Variants in ADAMTSL1 observed in about 807,000 individuals in gnomAD.
ADAMTSL1 encodes ADAMTS like 1, also known as ADAMTS-like protein 1.
In ADAMTSL1, 126 loss-of-function variants were observed where a neutral mutation model predicts 201.8. That is an observed-to-expected ratio of 0.62 (90% CI 0.54 to 0.72). The LOEUF is 0.72. ADAMTSL1 is among the 30% of genes least tolerant of loss of function. The pLI, the probability that ADAMTSL1 is intolerant of heterozygous loss-of-function variation, is 0.00. For missense variants in ADAMTSL1, 2,679 were observed against 2,277.8 expected, an observed-to-expected ratio of 1.18 and a Z score of -3.59; for synonymous variants, 1,121 against 903.4, an observed-to-expected ratio of 1.24 and a Z score of -4.32.
At chr9:18,314,956 C>T (rs1834315012) in intron 2 of ADAMTSL1, among the ~76,000 whole-genome samples, 1 of 150,876 alleles carries the variant, frequency 6.6e-6, no homozygotes, top group Non-Finnish European at 1.5e-5. Flanking sequence ...GCTACCACGC[C>T]CGGCTAATTT....
rs943499498 is a variant in ADAMTSL1, at chr9:18,688,600, G to A, written c.1574+3800G>A. 5.0e-5 allele frequency among the ~76,000 whole-genome samples: 7 copies of A among 139,026 alleles called. No homozygotes were observed. In the South Asian group the frequency reaches 7.1e-4, roughly 14 times the overall value. 91.2% of individuals were successfully genotyped at this position (139,026 alleles called of 152,430 possible). A position where few individuals can be genotyped will look rare whatever the true frequency, so the allele number is the denominator to read the frequency against. ...GGAGGGTTGCTTGAGCCTGGGAGGC[G>A]GAGGCTGCAGTGAGCTGAGATCTTG... On this transcript the variant is annotated intron_variant, in intron 13 of 28. Transcript: ENST00000380548.
chr9:18,552,424 T>G (rs544428141), intron 3 of ADAMTSL1, among the ~76,000 whole-genome samples: 1 of 151,970 alleles, frequency 6.6e-6, no homozygotes, highest in African/African-American at 2.4e-5. Context: ...TGCATTATGA[T>G]TTTTCCAAAA....
chr9:18,275,487 C>T (rs1334915327), intron 2 of ADAMTSL1, among the ~76,000 whole-genome samples: 2 of 152,132 alleles, frequency 1.3e-5, no homozygotes, highest in African/African-American at 2.4e-5. Context: ...AAAAAGTTCT[C>T]TTATTCTACT....
intron 23 of ADAMTSL1, among the ~76,000 whole-genome samples, chr9:18,853,918 T>TGTGTGTGTGTGTGTGCGCGC (rs139332733): frequency 0.014 from 2,098 of 145,420 alleles, 27 homozygotes; most frequent in East Asian, 0.055. Context: ...TGTGTGTGTG[T>TGTGTGTGTGTGTGTGCGCGC]GCGCGTGCAT....
intron 26 of ADAMTSL1, among the ~76,000 whole-genome samples, chr9:18,897,944 G>A (rs776279531): frequency 2.0e-5 from 3 of 151,738 alleles, no homozygotes; most frequent in Non-Finnish European, 4.4e-5. Context: ...TTGGGAGGCC[G>A]ACGCAGGTGG....
At chr9:18,460,098 T>A (rs564337590) in intron 2 of ADAMTSL1, among the ~76,000 whole-genome samples, 60 of 152,306 alleles carry the variant, frequency 3.9e-4, no homozygotes, top group African/African-American at 1.4e-3. Flanking sequence ...CTGTTGGCAC[T>A]CTCATTGCAG....
At chr9:18,327,349 G>A (rs911475446) in intron 2 of ADAMTSL1, among the ~76,000 whole-genome samples, 1 of 152,194 alleles carries the variant, frequency 6.6e-6, no homozygotes, top group African/African-American at 2.4e-5. Flanking sequence ...GAGGAGACGC[G>A]TTAATGATCC....
chr9:18,452,500 A>AAAAGTCC (rs899460710), intron 2 of ADAMTSL1, among the ~76,000 whole-genome samples: 2 of 152,234 alleles, frequency 1.3e-5, no homozygotes, highest in Admixed American at 1.3e-4. Context: ...GAACCAACTC[A>AAAAGTCC]AAAGTCCAAA....
chr9:17,955,114 A>G (rs942397282), intron 1 of ADAMTSL1, among the ~76,000 whole-genome samples: 1 of 152,206 alleles, frequency 6.6e-6, no homozygotes, highest in Non-Finnish European at 1.5e-5. Flanking sequence ...TATCGTGTGC[A>G]TAGAAATCTA....
rs147890454 is a variant in ADAMTSL1 at position 18,763,231 on chromosome 9, T to C, written c.2218-7371T>C. Among the ~76,000 whole-genome samples, 8 of 152,296 alleles carry C rather than the reference T, an allele frequency of 5.3e-5. No individual in the cohort carries two copies. In the East Asian group the frequency reaches 1.5e-3, roughly 29 times the overall value. The stretch of plus-strand genomic sequence containing the variant: ...GGGGTGAGGTGATATCTCATTGTAG[T>C]TTTGATTTGCATTTCTTTGATGATC... On this transcript the variant is annotated intron_variant, in intron 16 of 28. Transcript: ENST00000380548.
Position 18,848,413 on chromosome 9 carries a change from G to A in ADAMTSL1, c.4249+18436G>A, listed in dbSNP as rs550909185. Reference sequence around the variant, plus strand: ...TAGAATATTTTAATCTGACATTCAAGGTTCTTTGCTATTCAGACCTAGCCT... The same window carrying A: ...TAGAATATTTTAATCTGACATTCAAAGTTCTTTGCTATTCAGACCTAGCCT... On this transcript the variant is annotated intron_variant, in intron 23 of 28. Transcript: ENST00000380548. Among the ~76,000 whole-genome samples the A allele has an allele frequency of 5.3e-5, 8 of 152,310 alleles. No homozygotes were observed. In the East Asian group the frequency reaches 1.5e-3, roughly 29 times the overall value.
intron 23 of ADAMTSL1, among the ~76,000 whole-genome samples, chr9:18,839,061 T>A (rs999244028): frequency 2.0e-5 from 3 of 151,370 alleles, no homozygotes; most frequent in African/African-American, 7.3e-5. Flanking sequence ...TACTTTAAGT[T>A]TTAGGGTACA....
At chr9:18,411,873 A>G (rs1488366113) in intron 2 of ADAMTSL1, among the ~76,000 whole-genome samples, 2 of 152,104 alleles carry the variant, frequency 1.3e-5, no homozygotes, top group Non-Finnish European at 2.9e-5. Context: ...TCTAATACCT[A>G]TTTTATACTC....
At chr9:18,355,063 G>A (rs1836152837) in intron 2 of ADAMTSL1, among the ~76,000 whole-genome samples, 2 of 152,228 alleles carry the variant, frequency 1.3e-5, no homozygotes, top group East Asian at 3.9e-4. Context: ...CTGAGTTCCA[G>A]GGAGCCCCAG....
intron 1 of ADAMTSL1, among the ~76,000 whole-genome samples, chr9:18,112,255 C>T (rs969434315): frequency 3.3e-5 from 5 of 152,052 alleles, no homozygotes; most frequent in African/African-American, 7.2e-5. Context: ...TGCCTTAGTC[C>T]ATCTGAGTTC....
intron 2 of ADAMTSL1, among the ~76,000 whole-genome samples, chr9:18,195,997 A>G (rs193143172): frequency 2.6e-5 from 4 of 152,294 alleles, no homozygotes; most frequent in Non-Finnish European, 5.9e-5. Flanking sequence ...AACAATTCAT[A>G]CATCACTTCC....
At chr9:17,998,908 G>T (rs546656558) in intron 1 of ADAMTSL1, among the ~76,000 whole-genome samples, 1 of 152,110 alleles carries the variant, frequency 6.6e-6, no homozygotes, top group Non-Finnish European at 1.5e-5. Context: ...CATGAAATCT[G>T]CAAGCCTGCT....
chr9:18,653,778 A>G (rs1376975599), intron 7 of ADAMTSL1, among the ~76,000 whole-genome samples: 1 of 152,234 alleles, frequency 6.6e-6, no homozygotes, highest in Non-Finnish European at 1.5e-5. Flanking sequence ...TTAATCTGCT[A>G]ATGCCTAATC....
chr9:18,537,779 C>T (rs535559466), intron 3 of ADAMTSL1, among the ~76,000 whole-genome samples: 4 of 150,802 alleles, frequency 2.7e-5, no homozygotes, highest in East Asian at 2.0e-4. Flanking sequence ...GAGGCTGAGG[C>T]GGGAGGATTG....
Sources: gnomAD v4.1 joint callset for allele counts (sites outside exome capture counted in the v4.1 genomes callset) on GRCh38, gnomAD v4.1.1 for gene constraint, MANE v1.5 for transcripts, NCBI Gene and HGNC (gene_info 2026-07-23, HGNC 2026-07-21) for gene names.